PLTP: variants seen among roughly 807,000 people sequenced by gnomAD.
PLTP encodes phospholipid transfer protein, also known as BPI fold containing family E.
PLTP carries 43 observed loss-of-function variants against 54.1 expected under a neutral mutation model. The ratio of observed to expected loss-of-function variants is 0.79; its 90% confidence interval spans 0.62 to 1.02. PLTP has a LOEUF of 1.02. Among genes scored for constraint, PLTP ranks in the 50% least tolerant of loss-of-function variants. The probability of loss-of-function intolerance (pLI) is 0.00; values close to 1 mark genes in which losing one functional copy is unlikely to be tolerated. For synonymous variants in PLTP, 263 were observed against 264.6 expected (o/e 0.99, Z 0.06); for missense variants, 604 against 645.9 (o/e 0.94, Z 0.70).
chr20:45,911,159 T>A lies in PLTP; in HGVS notation c.193A>T (p.Ile65Phe). Residue 65 changes from isoleucine (I) to phenylalanine (F), a missense_variant, in exon 3 of 16, where the codon ATC becomes TTC. Ile to Phe is a conservative substitution (Grantham distance 21). Coordinates refer to ENST00000372431, the MANE Select transcript of PLTP (RefSeq NM_006227.4). ...RGKEGHFYYN[I>F]SEVKVTELQL... ...GCCCCGCCCCCCACTTACTCAGAGA[T>A]GTTGTAGTAGAAGTGGCCTTCTTTG... is the stretch of plus-strand genomic sequence containing the variant. 6.2e-7 allele frequency: 1 copy of A among 1,611,614 alleles called. No homozygotes were observed. The highest frequency in any genetic ancestry group is 1.1e-5 in the South Asian group (1 of 91,026).
intron 12 of PLTP, among the ~76,000 whole-genome samples, chr20:45,901,284 A>G (rs1372611194): frequency 6.6e-6 from 1 of 152,166 alleles, no homozygotes; most frequent in Non-Finnish European, 1.5e-5. Context: ...TATTAAACAC[A>G]TGGAGAAAAT....
At chr20:45,903,847 A>C (rs1229307657) in intron 10 of PLTP, among the ~76,000 whole-genome samples, 1 of 151,610 alleles carries the variant, frequency 6.6e-6, no homozygotes, top group Non-Finnish European at 1.5e-5. Context: ...CCCCCACCGA[A>C]AAAAAAAGAT....
rs201756281 is a variant in PLTP, at chr20:45,909,971, G to A, written c.300C>T (p.Arg100=). ...LQITNASLGL[R]FRRQLLYWFF... Reference sequence around the variant, plus strand: ...ACCAGTAGAGCAGCTGTCTCCGGAAGCGCAGCCCCAAGGAGGCATTGGTGA... The same window carrying A: ...ACCAGTAGAGCAGCTGTCTCCGGAAACGCAGCCCCAAGGAGGCATTGGTGA... Residue 100 remains arginine (R), a synonymous_variant, in exon 4 of 16, where the codon CGC becomes CGT. Coordinates refer to ENST00000372431, the MANE Select transcript of PLTP (RefSeq NM_006227.4). The A allele has an allele frequency of 2.8e-5, 45 of 1,614,130 alleles. No individual in the cohort carries two copies. In the African/African-American group the frequency reaches 3.3e-4, roughly 12 times the overall value.
chr20:45,900,165 G>C lies in PLTP; in HGVS notation c.1176-287C>G, dbSNP rs548101069. Among the ~76,000 whole-genome samples, 5 of 128,136 alleles carry C rather than the reference G, an allele frequency of 3.9e-5. No homozygotes were observed. The South Asian group carries it at 1.3e-3, about 32-fold the overall frequency. The allele number at this position is 128,136 out of a possible 152,430, so 84.1% of individuals were successfully genotyped here. On this transcript the variant is annotated intron_variant, in intron 12 of 15. Transcript: ENST00000372431. The stretch of plus-strand genomic sequence containing the variant: ...GCTGTGTCGCCCACGCTGGAGTGCA[G>C]TGGCGCGATCTCGGCTCACTGCTCC...
chr20:45,905,741 G>T (rs1306221662), intron 8 of PLTP, among the ~76,000 whole-genome samples: 1 of 152,232 alleles, frequency 6.6e-6, no homozygotes, highest in Non-Finnish European at 1.5e-5. Context: ...GCACCCGACT[G>T]ATTCTAGCTC....
intron 3 of PLTP, 22 bp from the exon 4 acceptor site, chr20:45,910,092 G>A: frequency 6.2e-7 from 1 of 1,613,186 alleles, no homozygotes; most frequent in Non-Finnish European, 8.5e-7. Flanking sequence ...CTCAGGGTCA[G>A]ATCCAGGGCC....
chr20:45,910,082 C>T lies in PLTP; in HGVS notation c.201-12G>A, dbSNP rs2083276533. Reference sequence around the variant, plus strand: ...CTGTGACCTTCACCCTACAGGAGGCCTCAGGGTCAGATCCAGGGCCAAGAA... The same window carrying T: ...CTGTGACCTTCACCCTACAGGAGGCTTCAGGGTCAGATCCAGGGCCAAGAA... On this transcript the variant is annotated splice_polypyrimidine_tract_variant and intron_variant, in intron 3 of 15. Coordinates refer to ENST00000372431, the MANE Select transcript of PLTP (RefSeq NM_006227.4). The T allele has an allele frequency of 6.2e-7, 1 of 1,613,502 alleles. No individual in the cohort carries two copies. The highest frequency in any genetic ancestry group is 1.1e-5 in the South Asian group (1 of 90,996).
chr20:45,902,544 A>T lies in PLTP; in HGVS notation c.1003T>A (p.Cys335Ser), dbSNP rs201308355. ...LELRVLAPPR[C>S]TIKPSGTTIS... The stretch of plus-strand genomic sequence containing the variant: ...GTGGTGCCAGAGGGCTTGATGGTGC[A>T]GCGCGGTGGGGCCAGGACCCGCAGC... The change falls in exon 11 of 16, where the codon TGC becomes AGC. Residue 335 changes from cysteine (C) to serine (S), a missense_variant. Physicochemically the swap from Cys to Ser is moderately radical, Grantham distance 112 (BLOSUM62 -1). Coordinates refer to ENST00000372431, the MANE Select transcript of PLTP (RefSeq NM_006227.4). 1 of 1,614,092 alleles carries T rather than the reference A, an allele frequency of 6.2e-7. No homozygotes were observed. Among genetic ancestry groups the T allele is most frequent in the East Asian group, 2.2e-5 (1 of 44,892 alleles).
At chr20:45,902,017 A>T (rs1216178271) in intron 12 of PLTP, among the ~76,000 whole-genome samples, 1 of 152,072 alleles carries the variant, frequency 6.6e-6, no homozygotes, top group Non-Finnish European at 1.5e-5. Flanking sequence ...TTGCTGTGTG[A>T]CTGTGGGCAT....
At chr20:45,900,884 T>C (rs1294598002) in intron 12 of PLTP, among the ~76,000 whole-genome samples, 1 of 152,182 alleles carries the variant, frequency 6.6e-6, no homozygotes. Context: ...TACCAACTGG[T>C]TTAGTCCTCA....
chr20:45,908,021 A>G lies in PLTP; in HGVS notation c.486-117T>C, dbSNP rs2083257602. 4.5e-6 allele frequency: 4 copies of G among 897,414 alleles called. No individual in the cohort carries two copies. In the Admixed American group the frequency reaches 8.0e-5, roughly 18 times the overall value. The allele number at this position is 897,414 out of a possible 1,614,324, so 55.6% of individuals were successfully genotyped here. A position where few individuals can be genotyped will look rare whatever the true frequency, so the allele number is the denominator to read the frequency against. On this transcript the variant is annotated intron_variant, in intron 5 of 15. Transcript: ENST00000372431. ...GTAGGAGTCCTCAGCTTCAGCCTGA[A>G]TAACAGCTCCTCCACGTAGGTTTTC...
chr20:45,905,047 C>T lies in PLTP; in HGVS notation c.777G>A (p.Glu259=), dbSNP rs754458902. Residue 259 remains glutamate (E), a synonymous_variant, in exon 9 of 16, where the codon GAG becomes GAA. Transcript: ENST00000372431. The part of the protein sequence containing the change: ...PNRAVEPQLQ[E]EERMVYVAFS... ...AGGCCACATACACCATCCGCTCTTC[C>T]TCCTGCAGCTGGGGCTCCACTGCCC... is the stretch of plus-strand genomic sequence containing the variant. 6.2e-7 allele frequency: 1 copy of T among 1,614,244 alleles called. No homozygotes were observed.
chr20:45,904,829 C>T lies in PLTP; in HGVS notation c.913G>A (p.Ala305Thr). Reference sequence around the variant, plus strand: ...AGGACAATGCTCCCAAAGTAGGTGGCCCTCAGCAGCATGTCCAGGTCGTGG... The same window carrying T: ...AGGACAATGCTCCCAAAGTAGGTGGTCCTCAGCAGCATGTCCAGGTCGTGG... ...VPHDLDMLLRATYFGSIVLLS... is the reference protein window; with the variant it reads ...VPHDLDMLLRTTYFGSIVLLS... The change falls in exon 10 of 16, where the codon GCC (alanine) becomes ACC (threonine). Residue 305 changes from alanine to threonine, a missense_variant. Physicochemically the swap from Ala to Thr is moderately conservative, Grantham distance 58. Coordinates refer to ENST00000372431, the MANE Select transcript of PLTP (RefSeq NM_006227.4). The T allele has an allele frequency of 1.2e-6, 2 of 1,614,196 alleles. No individual in the cohort carries two copies. The highest frequency in any genetic ancestry group is 8.5e-7 in the Non-Finnish European group (1 of 1,180,034).
At chr20:45,899,806 A>ATG in intron 13 of PLTP, 30 bp downstream of exon 13, 3 of 1,303,164 alleles carry the variant, frequency 2.3e-6, no homozygotes, top group Non-Finnish European at 3.2e-6. Flanking sequence ...TCACGAACCC[A>ATG]GCCCAGCCCA....
Position 45,909,561 on chromosome 20 carries a change from T to G in PLTP, c.440A>C (p.Gln147Pro). 1 of 1,614,218 alleles carries G rather than the reference T, an allele frequency of 6.2e-7. No individual in the cohort carries two copies. The highest frequency in any genetic ancestry group is 8.5e-7 in the Non-Finnish European group (1 of 1,180,046). The change falls in exon 5 of 16, where the codon CAG (glutamine) becomes CCG (proline). Residue 147 changes from glutamine (Q) to proline (P), a missense_variant. By Grantham distance (76) the Gln-to-Pro change is moderately conservative (BLOSUM62 -1). Transcript: ENST00000372431. The part of the protein sequence containing the change: ...GRMKVSNVSC[Q>P]ASVSRMHAAF... ...CGCGTGCATTCTGGAGACAGAGGCC[T>G]GGCAGGAGACATTGGACACTTTCAT...
intron 12 of PLTP, 33 bp downstream of exon 12, chr20:45,902,234 A>G (rs752598248): frequency 4.4e-6 from 7 of 1,608,026 alleles, no homozygotes; most frequent in South Asian, 3.3e-5. Flanking sequence ...TTGTCCTCCA[A>G]TCACTGAGGT....
At chr20:45,902,024 G>C (rs1024521157) in intron 12 of PLTP, among the ~76,000 whole-genome samples, 1 of 152,170 alleles carries the variant, frequency 6.6e-6, no homozygotes, top group African/African-American at 2.4e-5. Flanking sequence ...GTGACTGTGG[G>C]CATGTTATTT....
At position 45,909,950 on chromosome 20, in the gene PLTP, G is replaced by A. The variant is rs372324062; in HGVS notation, c.321C>T (p.Tyr107=). ...LGLRFRRQLL[Y]WFFYDGGYIN... is the part of the protein sequence containing the mutation. ...GGGTGCTGGGTCCTTACAAGAACCA[G>A]TAGAGCAGCTGTCTCCGGAAGCGCA... The change falls in exon 4 of 16, where the codon TAC becomes TAT. Residue 107 remains tyrosine (Y), a synonymous_variant. Coordinates refer to ENST00000372431, the MANE Select transcript of PLTP (RefSeq NM_006227.4). The A allele has an allele frequency of 1.8e-5, 29 of 1,614,116 alleles. 1 individual carries two copies. In the South Asian group the frequency reaches 2.7e-4, roughly 15 times the overall value.
rs371812321 is a variant in PLTP, at chr20:45,910,597, A to G, written c.201-527T>C. On this transcript the variant is annotated intron_variant, in intron 3 of 15. Coordinates refer to ENST00000372431, the MANE Select transcript of PLTP (RefSeq NM_006227.4). ...GCCACTGCACTCTAGCCTGGGCAAC[A>G]GAACAAGACTCCCTCTCAGAAAAAA... is the stretch of plus-strand genomic sequence containing the variant. 9.0e-4 allele frequency among the ~76,000 whole-genome samples: 136 copies of G among 151,092 alleles called. 1 individual carries two copies. The South Asian group carries it at 0.01, about 11-fold the overall frequency.
Sources: gnomAD v4.1 joint callset for allele counts (sites outside exome capture counted in the v4.1 genomes callset) on GRCh38, gnomAD v4.1.1 for gene constraint, MANE v1.5 for transcripts, NCBI Gene and HGNC (gene_info 2026-07-23, HGNC 2026-07-21) for gene names.